The following TICAM2 variants were observed in gnomAD, a reference collection of about 807,000 sequenced individuals.
The protein encoded by TICAM2 is TIR domain containing adaptor molecule 2.
A neutral mutation model predicts 7.3 loss-of-function variants in TICAM2; 8 were observed. That is an observed-to-expected ratio of 1.10 (90% CI 0.65 to 1.99). The LOEUF (loss-of-function observed/expected upper bound fraction) is 1.99. Among genes scored for constraint, TICAM2 ranks in the 30% most tolerant of loss-of-function variants. The pLI, the probability that TICAM2 is intolerant of heterozygous loss-of-function variation, is 0.00. For missense variants in TICAM2, 304 were observed against 278.8 expected, an observed-to-expected ratio of 1.09 and a Z score of -0.65; for synonymous variants, 113 against 99.6, an observed-to-expected ratio of 1.13 and a Z score of -0.80.
intron 1 of TICAM2, among the ~76,000 whole-genome samples, chr5:115,582,110 T>C (rs771901294): frequency 3.3e-5 from 5 of 152,144 alleles, no homozygotes; most frequent in Non-Finnish European, 7.3e-5. Context: ...AGAATGATTA[T>C]AGTCTAGATT....
At chr5:115,597,185 C>T (rs751626376) in intron 1 of TICAM2, among the ~76,000 whole-genome samples, 3 of 152,214 alleles carry the variant, frequency 2.0e-5, no homozygotes, top group Non-Finnish European at 4.4e-5. Flanking sequence ...CCCACTGCAA[C>T]GCCCATTTCT....
chr5:115,588,690 A>G (rs1295412149), intron 1 of TICAM2, among the ~76,000 whole-genome samples: 2 of 152,212 alleles, frequency 1.3e-5, no homozygotes, highest in Non-Finnish European at 2.9e-5. Flanking sequence ...GACTCCCTCA[A>G]TGCTAGGTTT....
intron 1 of TICAM2, among the ~76,000 whole-genome samples, chr5:115,584,198 G>C (rs975753346): frequency 1.5e-4 from 23 of 151,590 alleles, no homozygotes; most frequent in African/African-American, 5.6e-4. Context: ...ATTCAAACAA[G>C]GATATTTTGA....
chr5:115,590,126 T>C (rs1049146633), intron 1 of TICAM2, among the ~76,000 whole-genome samples: 1 of 152,098 alleles, frequency 6.6e-6, no homozygotes, highest in African/African-American at 2.4e-5. Context: ...GGTGGGAGGA[T>C]CACTTATGGC....
At chr5:115,587,827 A>G (rs902789633) in intron 1 of TICAM2, among the ~76,000 whole-genome samples, 9 of 152,166 alleles carry the variant, frequency 5.9e-5, no homozygotes, top group African/African-American at 2.2e-4. Flanking sequence ...GATACAAGTT[A>G]GTTGCTTGCT....
At chr5:115,599,406 C>T (rs1255986608) in intron 1 of TICAM2, among the ~76,000 whole-genome samples, 2 of 152,106 alleles carry the variant, frequency 1.3e-5, no homozygotes, top group Admixed American at 1.3e-4. Context: ...GGCAAATCTC[C>T]AAATCAGGAA....
rs190775440 is a variant in TICAM2, at chr5:115,580,615, C to T, written c.642G>A (p.Val214=). The change falls in exon 2 of 2, where the codon GTG becomes GTA. Residue 214 remains valine, a synonymous_variant. Coordinates refer to ENST00000427199, the MANE Select transcript of TICAM2 (RefSeq NM_021649.7). ...TCCATATAGTTTGTTGTGTCTTATA[C>T]ACAGACTCCTGAAAAATTCTTTCTA... ...TQVERIFQES[V]YKTQQTIWKE... 9.4e-5 allele frequency: 150 copies of T among 1,595,310 alleles called. 1 individual carries two copies. Among genetic ancestry groups the T allele is most frequent in the Admixed American group, 4.8e-4 (26 of 54,696 alleles).
intron 1 of TICAM2, among the ~76,000 whole-genome samples, chr5:115,588,276 A>T (rs1258298035): frequency 6.6e-6 from 1 of 152,188 alleles, no homozygotes; most frequent in African/African-American, 2.4e-5. Flanking sequence ...GCACTGGGTA[A>T]GCTCTGTCTC....
At chr5:115,583,162 T>G (rs1221486008) in intron 1 of TICAM2, among the ~76,000 whole-genome samples, 1 of 152,190 alleles carries the variant, frequency 6.6e-6, no homozygotes, top group Non-Finnish European at 1.5e-5. Context: ...AAAAAGGGTT[T>G]TGCTATGCAA....
At chr5:115,591,089 A>T (rs1171418810) in intron 1 of TICAM2, among the ~76,000 whole-genome samples, 1 of 152,226 alleles carries the variant, frequency 6.6e-6, no homozygotes, top group Non-Finnish European at 1.5e-5. Flanking sequence ...ATAGGCTTGA[A>T]GCATCAGAGA....
Position 115,580,595 on chromosome 5 carries a change from A to G in TICAM2, c.662T>C (p.Ile221Thr), listed in dbSNP as rs760395319. The G allele has an allele frequency of 1.2e-6, 2 of 1,600,108 alleles. No individual in the cohort carries two copies. The highest frequency in any genetic ancestry group is 2.2e-5 in the East Asian group (1 of 44,564). Residue 221 changes from isoleucine (I) to threonine (T), a missense_variant, in exon 2 of 2, where the codon ATA (isoleucine) becomes ACA (threonine). Physicochemically the swap from Ile to Thr is moderately conservative, Grantham distance 89 (BLOSUM62 -1). Coordinates refer to ENST00000427199, the MANE Select transcript of TICAM2 (RefSeq NM_021649.7). Reference protein sequence around the residue: ...QESVYKTQQTIWKETRNMVQR... With the variant: ...QESVYKTQQTTWKETRNMVQR... ...TACCATATTTCTTGTCTCTTTCCAT[A>G]TAGTTTGTTGTGTCTTATACACAGA...
chr5:115,602,166 C>T lies in TICAM2; in HGVS notation c.-129G>A, dbSNP rs1451220595. On this transcript the variant is annotated 5_prime_UTR_variant, in exon 1 of 2. Coordinates refer to ENST00000427199, the MANE Select transcript of TICAM2 (RefSeq NM_021649.7). ...TCCTTTCTGGCCCAGCGAGAGCGCCCAGGGGGTGGGCGTCTTGCCCCGGGC... is the reference window on the plus strand; with the variant it reads ...TCCTTTCTGGCCCAGCGAGAGCGCCTAGGGGGTGGGCGTCTTGCCCCGGGC... The T allele has an allele frequency of 6.6e-6, 1 of 152,358 alleles. No individual in the cohort carries two copies. The highest frequency in any genetic ancestry group is 1.5e-5 in the Non-Finnish European group (1 of 68,164). The allele number at this position is 152,358 out of a possible 1,614,324, so 9.4% of individuals were successfully genotyped here. A position where few individuals can be genotyped will look rare whatever the true frequency, so the allele number is the denominator to read the frequency against.
At chr5:115,595,369 CTT>C (rs1561578169) in intron 1 of TICAM2, among the ~76,000 whole-genome samples, 4 of 152,200 alleles carry the variant, frequency 2.6e-5, no homozygotes, top group African/African-American at 9.7e-5. Context: ...ACCCACTAAA[CTT>C]TAAGTCCTGC....
chr5:115,596,263 A>G (rs1038788786), intron 1 of TICAM2, among the ~76,000 whole-genome samples: 3 of 152,142 alleles, frequency 2.0e-5, no homozygotes, highest in African/African-American at 7.2e-5. Context: ...CCTACTCTCA[A>G]TCAGTCTAAT....
chr5:115,598,445 A>G (rs1050874430), intron 1 of TICAM2, among the ~76,000 whole-genome samples: 2 of 152,174 alleles, frequency 1.3e-5, no homozygotes, highest in South Asian at 4.2e-4. Context: ...TCGTACCTAA[A>G]ACAGGTCCTT....
chr5:115,596,716 A>G (rs1383430702), intron 1 of TICAM2, among the ~76,000 whole-genome samples: 1 of 152,174 alleles, frequency 6.6e-6, no homozygotes, highest in Admixed American at 6.5e-5. Flanking sequence ...TCAGGAGATC[A>G]AGACCATCCT....
chr5:115,580,360 A>T lies in TICAM2; in HGVS notation c.*189T>A. ...TTGAAACTCTGACAATGTCAAGTTT[A>T]CTGAAACATCAAAAAGTACCACAAT... is the stretch of plus-strand genomic sequence containing the variant. On this transcript the variant is annotated 3_prime_UTR_variant, in exon 2 of 2. Coordinates refer to ENST00000427199, the MANE Select transcript of TICAM2 (RefSeq NM_021649.7). 2.8e-6 allele frequency: 2 copies of T among 713,088 alleles called. No individual in the cohort carries two copies. Among genetic ancestry groups the T allele is most frequent in the Non-Finnish European group, 4.0e-6 (2 of 500,764 alleles). 44.2% of individuals were successfully genotyped at this position (713,088 alleles called of 1,614,324 possible).
chr5:115,593,085 G>A (rs1038360245), intron 1 of TICAM2, among the ~76,000 whole-genome samples: 6 of 152,218 alleles, frequency 3.9e-5, no homozygotes, highest in African/African-American at 1.4e-4. Context: ...GGAGGTTGCA[G>A]TGAGCCGAGA....
chr5:115,595,310 T>C (rs185300101), intron 1 of TICAM2, among the ~76,000 whole-genome samples: 1 of 152,206 alleles, frequency 6.6e-6, no homozygotes, highest in Admixed American at 6.5e-5. Flanking sequence ...AACCTACAAA[T>C]TATTCTCATA....
Sources: allele counts gnomAD v4.1 joint callset (sites outside exome capture counted in the v4.1 genomes callset), GRCh38; gene constraint gnomAD v4.1.1; transcripts MANE v1.5; gene names NCBI Gene and HGNC (gene_info 2026-07-23, HGNC 2026-07-21).